The following IMPG2 variants were observed in gnomAD, a reference collection of about 807,000 sequenced individuals.
IMPG2 encodes IPM 200.
IMPG2 carries 91 observed loss-of-function variants against 129.2 expected under a neutral mutation model. That is an observed-to-expected ratio of 0.70 (90% CI 0.59 to 0.84). The LOEUF is 0.84. Among genes scored for constraint, IMPG2 ranks in the 40% least tolerant of loss-of-function variants. The pLI, the probability that IMPG2 is intolerant of heterozygous loss-of-function variation, is 0.00. For synonymous variants in IMPG2, 510 were observed against 517.7 expected (o/e 0.99, Z 0.20); for missense variants, 1,430 against 1,461.7 (o/e 0.98, Z 0.35).
intron 4 of IMPG2, among the ~76,000 whole-genome samples, chr3:101,286,185 C>T (rs1044466196): frequency 6.6e-6 from 1 of 152,010 alleles, no homozygotes; most frequent in Non-Finnish European, 1.5e-5. Flanking sequence ...GTACCTAGAA[C>T]AATGTCTGGC....
At chr3:101,227,439 A>G (rs568394786) in intron 18 of IMPG2, among the ~76,000 whole-genome samples, 1 of 152,366 alleles carries the variant, frequency 6.6e-6, no homozygotes, top group Admixed American at 6.5e-5. Flanking sequence ...AAACAGAAAC[A>G]TGTAGTCAAT....
chr3:101,267,454 A>G lies in IMPG2; in HGVS notation c.908+57T>C, dbSNP rs113989608. The G allele has an allele frequency of 9.0e-6, 13 of 1,446,310 alleles. No individual in the cohort carries two copies. In the African/African-American group the frequency reaches 1.1e-4, roughly 12 times the overall value. The allele number at this position is 1,446,310 out of a possible 1,614,324, so 89.6% of individuals were successfully genotyped here. A position where few individuals can be genotyped will look rare whatever the true frequency, so the allele number is the denominator to read the frequency against. ...TGCTCCCCTGGACCTACGGCCTGCTATATTTACTAAACTGTCTCCCAATTC... is the reference window on the plus strand; with the variant it reads ...TGCTCCCCTGGACCTACGGCCTGCTGTATTTACTAAACTGTCTCCCAATTC... On this transcript the variant is annotated intron_variant, in intron 9 of 18. Coordinates refer to ENST00000193391, the MANE Select transcript of IMPG2 (RefSeq NM_016247.4).
Position 101,243,724 on chromosome 3 carries a change from T to C in IMPG2, c.2607A>G (p.Ser869=), listed in dbSNP as rs755011636. 1 of 1,613,936 alleles carries C rather than the reference T, an allele frequency of 6.2e-7. No individual in the cohort carries two copies. Among genetic ancestry groups the C allele is most frequent in the East Asian group, 2.2e-5 (1 of 44,884 alleles). The change falls in exon 13 of 19, where the codon TCA becomes TCG. Residue 869 remains serine, a synonymous_variant. Coordinates refer to ENST00000193391, the MANE Select transcript of IMPG2 (RefSeq NM_016247.4). The part of the protein sequence containing the change: ...NGKVGSYVEM[S]TSVHSTEMVS... ...CCATCTCTGTGGAGTGAACACTTGT[T>C]GACATTTCCACATAACTACCAACCT...
rs569507673 is a variant in IMPG2, at chr3:101,226,451, A to C, written c.*518T>G. ...TTGCTTTTTCTTTAGCAGTTTGATC[A>C]AAAAAAAGAAAGAATTTTATTTAGA... On this transcript the variant is annotated 3_prime_UTR_variant, in exon 19 of 19. Coordinates refer to ENST00000193391, the MANE Select transcript of IMPG2 (RefSeq NM_016247.4). 6.6e-6 allele frequency: 1 copy of C among 151,776 alleles called. No individual in the cohort carries two copies. Among genetic ancestry groups the C allele is most frequent in the Admixed American group, 6.6e-5 (1 of 15,232 alleles). 9.4% of individuals were successfully genotyped at this position (151,776 alleles called of 1,614,324 possible).
chr3:101,284,624 T>A (rs1158782704), intron 4 of IMPG2, among the ~76,000 whole-genome samples: 1 of 152,076 alleles, frequency 6.6e-6, no homozygotes, highest in East Asian at 1.9e-4. Flanking sequence ...CCTTAGTAGG[T>A]ATTAAACAAA....
intron 10 of IMPG2, among the ~76,000 whole-genome samples, chr3:101,254,014 A>G (rs3732893): frequency 0.13 from 19,501 of 152,088 alleles, 1,316 homozygotes; most frequent in Middle Eastern, 0.17. Context: ...TCCCATTATC[A>G]CATTTAGGAC....
At chr3:101,298,014 T>G (rs1012338991) in intron 3 of IMPG2, among the ~76,000 whole-genome samples, 2 of 152,240 alleles carry the variant, frequency 1.3e-5, no homozygotes, top group African/African-American at 4.8e-5. Flanking sequence ...AGTCTCTCAC[T>G]ATTATTGTGT....
Position 101,243,828 on chromosome 3 carries a change from C to A in IMPG2, c.2503G>T (p.Val835Leu), listed in dbSNP as rs767388103. ...TCCAGTTCTAACGAAATATCCTGTA[C>A]ACCCATAATTACTTCATCCTCTAGC... ...TLLEDEVIMG[V>L]QDISLELDRI... is the part of the protein sequence containing the mutation. The change falls in exon 13 of 19, where the codon GTA (valine) becomes TTA (leucine). Residue 835 changes from valine (V) to leucine (L), a missense_variant. Physicochemically the swap from Val to Leu is conservative, Grantham distance 32. Transcript: ENST00000193391. 1.9e-6 allele frequency: 3 copies of A among 1,614,180 alleles called. No homozygotes were observed. The South Asian group carries it at 3.3e-5, about 18-fold the overall frequency.
chr3:101,231,374 TA>T (rs1706286025), intron 15 of IMPG2, among the ~76,000 whole-genome samples: 1 of 152,132 alleles, frequency 6.6e-6, no homozygotes. Flanking sequence ...GAAAACTGAA[TA>T]AAAAGCTAAA....
Position 101,232,979 on chromosome 3 carries a change from T to A in IMPG2, c.3035A>T (p.Asn1012Ile), listed in dbSNP as rs948731096. 4.3e-6 allele frequency: 7 copies of A among 1,613,902 alleles called. No individual in the cohort carries two copies. Among genetic ancestry groups the A allele is most frequent in the Non-Finnish European group, 5.1e-6 (6 of 1,180,014 alleles). ...ATTACAGGCCTGAAACTTGCAAGGG[T>A]TGGCTTCATCACCTAAAACATTAAA... ...SLDVESGDEA[N>I]PCKFQACNEF... Residue 1012 changes from asparagine (N) to isoleucine (I), a missense_variant, in exon 15 of 19, where the codon AAC becomes ATC. Asn to Ile is a moderately radical substitution (Grantham distance 149). Coordinates refer to ENST00000193391, the MANE Select transcript of IMPG2 (RefSeq NM_016247.4).
intron 1 of IMPG2, among the ~76,000 whole-genome samples, 153 bp downstream of exon 1, chr3:101,320,135 A>G (rs1422017261): frequency 6.6e-6 from 1 of 151,890 alleles, no homozygotes; most frequent in African/African-American, 2.4e-5. Context: ...ATTATTGGAG[A>G]TATTTTAAAA....
intron 16 of IMPG2, among the ~76,000 whole-genome samples, chr3:101,230,652 C>T (rs1028971769): frequency 6.6e-6 from 1 of 152,220 alleles, no homozygotes; most frequent in African/African-American, 2.4e-5. Flanking sequence ...CCAGCCCAAA[C>T]ATAGCAAATG....
intron 6 of IMPG2, among the ~76,000 whole-genome samples, chr3:101,275,060 T>C (rs1706826441): frequency 6.7e-6 from 1 of 148,522 alleles, no homozygotes. Context: ...GTTAGCTCTA[T>C]ATTAAAAAAA....
At chr3:101,277,322 T>C (rs1266144704) in intron 4 of IMPG2, among the ~76,000 whole-genome samples, 1 of 152,186 alleles carries the variant, frequency 6.6e-6, no homozygotes, top group Non-Finnish European at 1.5e-5. Flanking sequence ...CCTAAAACAG[T>C]ACCTGCCATT....
intron 3 of IMPG2, among the ~76,000 whole-genome samples, chr3:101,298,333 G>A (rs375300895): frequency 6.6e-6 from 1 of 151,952 alleles, no homozygotes; most frequent in African/African-American, 2.4e-5. Flanking sequence ...ACACCAGTGA[G>A]TCTTGACTCT....
intron 2 of IMPG2, among the ~76,000 whole-genome samples, chr3:101,318,130 T>G (rs2058794228): frequency 6.9e-6 from 1 of 145,192 alleles, no homozygotes; most frequent in Middle Eastern, 3.2e-3. Context: ...AATGTGAGTA[T>G]GTCCCAAAAA....
At chr3:101,250,207 T>C (rs912629563) in intron 11 of IMPG2, among the ~76,000 whole-genome samples, 1 of 152,198 alleles carries the variant, frequency 6.6e-6, no homozygotes, top group Non-Finnish European at 1.5e-5. Flanking sequence ...GACATAAAGC[T>C]GGTTCATATT....
At position 101,223,578 on chromosome 3, in the gene IMPG2, A is replaced by G. The variant is rs1706187616; in HGVS notation, c.*3391T>C. The stretch of plus-strand genomic sequence containing the variant: ...GAAGTCAAACTTATAAAACAAGCAT[A>G]CAAATGAATAATTAGTTCAGGTATC... On this transcript the variant is annotated 3_prime_UTR_variant, in exon 19 of 19. Transcript: ENST00000193391. The G allele has an allele frequency of 6.6e-6, 1 of 152,240 alleles. No homozygotes were observed. Among genetic ancestry groups the G allele is most frequent in the Non-Finnish European group, 1.5e-5 (1 of 68,038 alleles). The allele number at this position is 152,240 out of a possible 1,614,324, so 9.4% of individuals were successfully genotyped here.
At chr3:101,299,322 T>C (rs1023935973) in intron 3 of IMPG2, among the ~76,000 whole-genome samples, 1 of 152,194 alleles carries the variant, frequency 6.6e-6, no homozygotes, top group South Asian at 2.1e-4. Flanking sequence ...AGCTTGTTTG[T>C]ATTGGGTTAG....
Sources: gnomAD v4.1 joint callset for allele counts (sites outside exome capture counted in the v4.1 genomes callset) on GRCh38, gnomAD v4.1.1 for gene constraint, MANE v1.5 for transcripts, NCBI Gene and HGNC (gene_info 2026-07-23, HGNC 2026-07-21) for gene names.